DNAH5: variants seen among roughly 807,000 people sequenced by gnomAD.
DNAH5 encodes the protein axonemal beta dynein heavy chain 5.
In DNAH5, 372 loss-of-function variants were observed where a neutral mutation model predicts 518.2. The ratio of observed to expected loss-of-function variants is 0.72; its 90% CI spans 0.66 to 0.78. The LOEUF is 0.78. Ranked by LOEUF, DNAH5 falls within the 30% of genes least tolerant of loss-of-function variation. The pLI is 0.00. For missense variants in DNAH5, 5,523 were observed against 5,687.0 expected, an observed-to-expected ratio of 0.97 and a Z score of 0.93; for synonymous variants, 2,039 against 2,025.9, an observed-to-expected ratio of 1.01 and a Z score of -0.17.
intron 39 of DNAH5, 27 bp downstream of exon 39, chr5:13,824,172 T>C: frequency 6.2e-7 from 1 of 1,612,702 alleles, no homozygotes; most frequent in Non-Finnish European, 8.5e-7. Context: ...TCCAAGTAGG[T>C]GGAACACTTC....
At chr5:13,713,124 T>TATATATATATATATATATATACACAC (rs1554018603) in intron 75 of DNAH5, among the ~76,000 whole-genome samples, 2 of 146,560 alleles carry the variant, frequency 1.4e-5, no homozygotes, top group African/African-American at 5.1e-5. Context: ...TATATATATA[T>TATATATATATATATATATATACACAC]ACACACACAC....
chr5:13,796,818 A>C (rs1342354413), intron 47 of DNAH5, among the ~76,000 whole-genome samples: 1 of 152,214 alleles, frequency 6.6e-6, no homozygotes, highest in African/African-American at 2.4e-5. Flanking sequence ...AGGCTACAGT[A>C]ACCAAAACAG....
At chr5:13,800,518 C>T (rs1758583022) in intron 47 of DNAH5, among the ~76,000 whole-genome samples, 1 of 152,152 alleles carries the variant, frequency 6.6e-6, no homozygotes, top group Admixed American at 6.5e-5. Context: ...ATAATTTCAA[C>T]ACCCTTTCTA....
chr5:13,787,409 C>G (rs1211987176), intron 51 of DNAH5, among the ~76,000 whole-genome samples: 1 of 152,110 alleles, frequency 6.6e-6, no homozygotes, highest in Non-Finnish European at 1.5e-5. Flanking sequence ...TGTGTCCTAA[C>G]ATAATAGTAT....
intron 54 of DNAH5, 58 bp downstream of exon 54, chr5:13,777,144 C>T: frequency 6.5e-7 from 1 of 1,529,052 alleles, no homozygotes; most frequent in Middle Eastern, 1.7e-4. Context: ...ACATGTAGAG[C>T]TCTAAGCTGG....
chr5:13,713,393 TGACATATATATATACACC>T (rs1561093913), intron 75 of DNAH5, among the ~76,000 whole-genome samples: 1 of 94,480 alleles, frequency 1.1e-5, no homozygotes, highest in Non-Finnish European at 2.2e-5. Flanking sequence ...ATATATACAC[TGACATATATATATACACC>T]GACATATATA....
At chr5:13,774,472 C>A (rs1452655696) in intron 55 of DNAH5, among the ~76,000 whole-genome samples, 1 of 151,940 alleles carries the variant, frequency 6.6e-6, no homozygotes. Context: ...CAGACTAGAC[C>A]GGAGAAAAAA....
chr5:13,705,404 C>CA (rs1205702724), intron 76 of DNAH5, among the ~76,000 whole-genome samples: 1 of 152,168 alleles, frequency 6.6e-6, no homozygotes. Flanking sequence ...CCAGCTTAGC[C>CA]ATTCTACAGC....
Position 13,919,493 on chromosome 5 carries a change from C to T in DNAH5, c.799-141G>A, listed in dbSNP as rs899782128. 34 of 986,584 alleles carry T rather than the reference C, an allele frequency of 3.4e-5. No homozygotes were observed. In the South Asian group the frequency reaches 5.4e-4, roughly 16 times the overall value. 61.1% of individuals were successfully genotyped at this position (986,584 alleles called of 1,614,324 possible). A position where few individuals can be genotyped will look rare whatever the true frequency, so the allele number is the denominator to read the frequency against. On this transcript the variant is annotated intron_variant, in intron 6 of 78. Coordinates refer to ENST00000265104, the MANE Select transcript of DNAH5 (RefSeq NM_001369.3). ...CGTATTCCATGCTTCCAATAACAAT[C>T]TTTTACTCACTTAGCATGCATCCAT... is the stretch of plus-strand genomic sequence containing the variant.
intron 1 of DNAH5, among the ~76,000 whole-genome samples, chr5:13,976,339 T>C (rs1192566202): frequency 6.6e-6 from 1 of 152,198 alleles, no homozygotes; most frequent in Admixed American, 6.5e-5. Context: ...CCGTAAGTTT[T>C]AAATTGTACA....
chr5:13,860,192 CTT>C (rs1014869953), intron 29 of DNAH5: 11 of 152,752 alleles, frequency 7.2e-5, no homozygotes, highest in African/African-American at 2.7e-4. Flanking sequence ...CCCTTTTCCT[CTT>C]TGAGACAGAC....
intron 1 of DNAH5, among the ~76,000 whole-genome samples, chr5:13,934,950 GTT>G (rs1200120062): frequency 5.3e-5 from 8 of 152,112 alleles, no homozygotes; most frequent in Non-Finnish European, 1.0e-4. Flanking sequence ...GTTTTGAATT[GTT>G]TTCTGCCTTC....
chr5:13,921,351 A>G (rs534248068), intron 5 of DNAH5, among the ~76,000 whole-genome samples: 20 of 151,082 alleles, frequency 1.3e-4, no homozygotes, highest in Middle Eastern at 6.8e-3. Context: ...CATAGGATCC[A>G]TTTCCCTACC....
chr5:13,945,035 T>C (rs1007222823), upstream of DNAH5, among the ~76,000 whole-genome samples: 3 of 152,250 alleles, frequency 2.0e-5, no homozygotes, highest in Admixed American at 2.0e-4. Flanking sequence ...AGGCTAATTG[T>C]GACCCATAGG....
chr5:13,983,387 A>G (rs1782820019), intron 1 of DNAH5, among the ~76,000 whole-genome samples: 1 of 152,210 alleles, frequency 6.6e-6, no homozygotes, highest in Non-Finnish European at 1.5e-5. Flanking sequence ...TACACTCTTA[A>G]AAATAATCAA....
chr5:13,946,061 A>G (rs1344104141), upstream of DNAH5, among the ~76,000 whole-genome samples: 2 of 152,166 alleles, frequency 1.3e-5, no homozygotes, highest in Non-Finnish European at 1.5e-5. Flanking sequence ...TCCTCCTCAC[A>G]TGGCATCTCC....
At chr5:13,777,424 C>A in intron 53 of DNAH5, 69 bp from the exon 54 acceptor site, 2 of 1,411,676 alleles carry the variant, frequency 1.4e-6, no homozygotes, top group Non-Finnish European at 2.0e-6. Context: ...CTTGTAACAA[C>A]GCATTATGCC....
At chr5:13,984,046 G>A (rs1236232748) in intron 1 of DNAH5, among the ~76,000 whole-genome samples, 1 of 152,176 alleles carries the variant, frequency 6.6e-6, no homozygotes, top group Non-Finnish European at 1.5e-5. Flanking sequence ...TTATCCAGGA[G>A]AGCTCGATGT....
intron 22 of DNAH5, among the ~76,000 whole-genome samples, chr5:13,874,994 G>A (rs1770673867): frequency 6.6e-6 from 1 of 152,160 alleles, no homozygotes; most frequent in African/African-American, 2.4e-5. Context: ...TGGCTGTGGA[G>A]GGCTGGCTAT....
Sources: gnomAD v4.1 joint callset for allele counts (sites outside exome capture counted in the v4.1 genomes callset) on GRCh38, gnomAD v4.1.1 for gene constraint, MANE v1.5 for transcripts, NCBI Gene and HGNC (gene_info 2026-07-23, HGNC 2026-07-21) for gene names.